The following GALNT17 variants were observed in gnomAD, a reference collection of about 807,000 sequenced individuals.
GALNT17 encodes UDP-GalNAc:polypeptide N-acetylgalactosaminyltransferase-like 3.
In GALNT17, 29 loss-of-function variants were observed where a neutral mutation model predicts 63.7. The observed-to-expected ratio is 0.46, with a 90% CI of 0.34 to 0.62. GALNT17 has a LOEUF of 0.62. Among genes scored for constraint, GALNT17 ranks in the 20% least tolerant of loss-of-function variants. The pLI, the probability that GALNT17 is intolerant of heterozygous loss-of-function variation, is 0.01. For missense variants in GALNT17, 603 were observed against 799.6 expected (o/e 0.75, Z 2.97); for synonymous variants, 305 against 318.3 (o/e 0.96, Z 0.45).
At chr7:71,206,756 T>C (rs1789279009) in intron 1 of GALNT17, among the ~76,000 whole-genome samples, 1 of 152,118 alleles carries the variant, frequency 6.6e-6, no homozygotes, top group Non-Finnish European at 1.5e-5. Context: ...CATATCTGGA[T>C]TCTCCTGTTT....
chr7:71,374,428 C>T (rs942024543), intron 2 of GALNT17, among the ~76,000 whole-genome samples: 2 of 152,222 alleles, frequency 1.3e-5, no homozygotes, highest in African/African-American at 4.8e-5. Flanking sequence ...CCTTTCTGCT[C>T]CTTGTGTTTC....
intron 3 of GALNT17, among the ~76,000 whole-genome samples, chr7:71,390,606 C>T (rs1793032383): frequency 6.6e-6 from 1 of 152,164 alleles, no homozygotes. Flanking sequence ...CGGCTCTCTG[C>T]TCTGTGGCCT....
chr7:71,240,703 C>T (rs1015960683), intron 1 of GALNT17, among the ~76,000 whole-genome samples: 1 of 148,022 alleles, frequency 6.8e-6, no homozygotes, highest in Non-Finnish European at 1.5e-5. Context: ...GTCTCGCTGT[C>T]GCCCAGGCTG....
intron 5 of GALNT17, among the ~76,000 whole-genome samples, chr7:71,525,502 G>A (rs188999787): frequency 4.9e-4 from 75 of 151,886 alleles, no homozygotes; most frequent in African/African-American, 1.6e-3. Flanking sequence ...CACCGCACCC[G>A]GCCAACTGTT....
At chr7:71,506,675 A>G (rs193192025) in intron 5 of GALNT17, among the ~76,000 whole-genome samples, 1 of 152,344 alleles carries the variant, frequency 6.6e-6, no homozygotes, top group Admixed American at 6.5e-5. Flanking sequence ...ATATGTAGTA[A>G]TCAAATCAGG....
intron 5 of GALNT17, among the ~76,000 whole-genome samples, chr7:71,455,235 T>G (rs964370305): frequency 6.6e-6 from 1 of 151,380 alleles, no homozygotes; most frequent in Admixed American, 6.6e-5. Flanking sequence ...GGGGCAGCAG[T>G]CAGACAGTTG....
At chr7:71,512,184 T>C (rs1788367910) in intron 5 of GALNT17, among the ~76,000 whole-genome samples, 1 of 152,088 alleles carries the variant, frequency 6.6e-6, no homozygotes, top group Non-Finnish European at 1.5e-5. Context: ...TTTGTATTTT[T>C]AGTAGAGACA....
chr7:71,630,583 T>C (rs1198412569), intron 6 of GALNT17, among the ~76,000 whole-genome samples: 1 of 152,196 alleles, frequency 6.6e-6, no homozygotes, highest in Non-Finnish European at 1.5e-5. Context: ...TAGTGGACAA[T>C]CTCATCAATG....
intron 1 of GALNT17, among the ~76,000 whole-genome samples, chr7:71,269,273 T>G (rs1790543983): frequency 6.6e-6 from 1 of 152,200 alleles, no homozygotes. Flanking sequence ...GAGACCAGCC[T>G]GGGCAACATA....
chr7:71,648,334 A>G (rs1446357903), intron 6 of GALNT17, among the ~76,000 whole-genome samples: 1 of 151,836 alleles, frequency 6.6e-6, no homozygotes, highest in African/African-American at 2.4e-5. Context: ...ACAGTGGCTC[A>G]ATCACAGCTC....
At chr7:71,678,658 G>A (rs945350263) in intron 9 of GALNT17, among the ~76,000 whole-genome samples, 8 of 151,956 alleles carry the variant, frequency 5.3e-5, no homozygotes, top group Non-Finnish European at 7.4e-5. Flanking sequence ...AGCTGGGCGT[G>A]GTGGTGGGCG....
chr7:71,574,638 T>C lies in GALNT17; in HGVS notation c.1080+3236T>C, dbSNP rs540113601. Among the ~76,000 whole-genome samples, 5 of 152,290 alleles carry C rather than the reference T, an allele frequency of 3.3e-5. No individual in the cohort carries two copies. The East Asian group carries it at 9.7e-4, about 29-fold the overall frequency. ...TGGGTTTGGAGTCTACACAGAATTC[T>C]CTGGTTCTCATGTTTCCAGTCAGAA... On this transcript the variant is annotated intron_variant, in intron 6 of 10. Coordinates refer to ENST00000333538, the MANE Select transcript of GALNT17 (RefSeq NM_022479.3).
intron 6 of GALNT17, among the ~76,000 whole-genome samples, chr7:71,600,243 G>T (rs899453282): frequency 2.2e-5 from 3 of 139,484 alleles, no homozygotes; most frequent in African/African-American, 9.6e-5. Flanking sequence ...AGGCAATTAG[G>T]GAAGGAAAAA....
intron 1 of GALNT17, among the ~76,000 whole-genome samples, chr7:71,280,895 C>A (rs1241477626): frequency 6.6e-6 from 1 of 152,256 alleles, no homozygotes; most frequent in East Asian, 1.9e-4. Flanking sequence ...AGTAGGGTCA[C>A]CCTGATCCCC....
intron 7 of GALNT17, among the ~76,000 whole-genome samples, chr7:71,669,213 G>A (rs970907253): frequency 7.9e-5 from 12 of 152,028 alleles, no homozygotes; most frequent in African/African-American, 2.9e-4. Context: ...AATCAAATAG[G>A]TCTCCTTAAA....
intron 5 of GALNT17, among the ~76,000 whole-genome samples, chr7:71,557,900 C>G (rs1789190960): frequency 6.6e-6 from 1 of 151,918 alleles, no homozygotes; most frequent in African/African-American, 2.4e-5. Flanking sequence ...TGGTGAAACC[C>G]CATCTCTACT....
chr7:71,350,491 A>C (rs1418586914), intron 2 of GALNT17, among the ~76,000 whole-genome samples: 1 of 152,220 alleles, frequency 6.6e-6, no homozygotes, highest in Non-Finnish European at 1.5e-5. Context: ...CTAAGGATGA[A>C]AAATACTAGA....
At chr7:71,382,225 G>T (rs527647587) in intron 2 of GALNT17, among the ~76,000 whole-genome samples, 17 of 151,860 alleles carry the variant, frequency 1.1e-4, no homozygotes, top group Non-Finnish European at 2.4e-4. Flanking sequence ...AATAAAAATA[G>T]AAAAATTAGC....
Position 71,510,033 on chromosome 7 carries a change from C to T in GALNT17, c.963-61252C>T, listed in dbSNP as rs564705844. 4.6e-5 allele frequency among the ~76,000 whole-genome samples: 7 copies of T among 152,192 alleles called. No homozygotes were observed. The South Asian group carries it at 1.5e-3, about 32-fold the overall frequency. On this transcript the variant is annotated intron_variant, in intron 5 of 10. Coordinates refer to ENST00000333538, the MANE Select transcript of GALNT17 (RefSeq NM_022479.3). ...AATCATAGCTCACTGCAGCCTTGAA[C>T]TCCTGGGCTCAAGCAATCCTCCTGC...
Sources: allele counts gnomAD v4.1 joint callset (sites outside exome capture counted in the v4.1 genomes callset), GRCh38; gene constraint gnomAD v4.1.1; transcripts MANE v1.5; gene names NCBI Gene and HGNC (gene_info 2026-07-23, HGNC 2026-07-21).